Variants in CALU observed in about 807,000 individuals in gnomAD.
CALU encodes calumenin, also known as IEF SSP 9302.
Under a neutral mutation model 37.5 loss-of-function variants are expected in CALU, and 13 were observed. That is an observed-to-expected ratio of 0.35 (90% CI 0.23 to 0.55). The LOEUF is 0.55. Ranked by LOEUF, CALU falls within the 20% of genes least tolerant of loss-of-function variation. CALU has a pLI of 0.89. For missense variants in CALU, 282 were observed against 391.7 expected, an observed-to-expected ratio of 0.72 and a Z score of 2.36; for synonymous variants, 114 against 133.8, an observed-to-expected ratio of 0.85 and a Z score of 1.02.
intron 3 of CALU, among the ~76,000 whole-genome samples, chr7:128,756,355 T>A (rs1316167254): frequency 6.6e-6 from 1 of 152,194 alleles, no homozygotes; most frequent in Non-Finnish European, 1.5e-5. Flanking sequence ...GGCAGATGAT[T>A]CAACGTAATG....
chr7:128,767,113 C>T (rs996394882), intron 5 of CALU, among the ~76,000 whole-genome samples: 28 of 152,244 alleles, frequency 1.8e-4, no homozygotes, highest in African/African-American at 6.7e-4. Context: ...AACAAGTGGT[C>T]CCGTTTAATT....
chr7:128,758,869 A>G lies in CALU; in HGVS notation c.416-2A>G, dbSNP rs112887478. 6.2e-7 allele frequency: 1 copy of G among 1,603,796 alleles called. No individual in the cohort carries two copies. Among genetic ancestry groups the G allele is most frequent in the Non-Finnish European group, 8.5e-7 (1 of 1,175,102 alleles). ...GATTTGACCTAAATTTTTGTTTTCT[A>G]GATGATCCAGATCCTGATGATGGAT... On this transcript the variant is annotated splice_acceptor_variant, in intron 3 of 6. Transcript: ENST00000249364. LOFTEE classifies it high-confidence loss of function.
intron 1 of CALU, among the ~76,000 whole-genome samples, chr7:128,744,202 T>G (rs1755076282): frequency 6.6e-6 from 1 of 152,124 alleles, no homozygotes; most frequent in South Asian, 2.1e-4. Context: ...ACAGACTCAG[T>G]CTCAACAAAA....
Position 128,750,088 on chromosome 7 carries a change from C to T in CALU, c.221+1284C>T, listed in dbSNP as rs61640318. Among the ~76,000 whole-genome samples the T allele has an allele frequency of 3.3e-4, 50 of 151,840 alleles. No individual in the cohort carries two copies. In the East Asian group the frequency reaches 7.9e-3, roughly 24 times the overall value. On this transcript the variant is annotated intron_variant, in intron 2 of 6. Transcript: ENST00000249364. ...AAAAATACAAAAAAAATTAGCCGGGCGTGGTGGCGCGTGCCTGTAGTCCCA... is the reference window on the plus strand; with the variant it reads ...AAAAATACAAAAAAAATTAGCCGGGTGTGGTGGCGCGTGCCTGTAGTCCCA...
At chr7:128,746,762 CTTTTTTTTTTTTT>C (rs71162530) in intron 1 of CALU, among the ~76,000 whole-genome samples, 7 of 122,648 alleles carry the variant, frequency 5.7e-5, no homozygotes, top group Admixed American at 1.6e-4. Flanking sequence ...TCATGTCATT[CTTTTTTTTTTTTT>C]TTTTTTTTTT....
At position 128,772,715 on chromosome 7, in the gene CALU, A is replaced by C; in HGVS notation, c.*3548A>C. 6.2e-7 allele frequency: 1 copy of C among 1,611,210 alleles called. No individual in the cohort carries two copies. Among genetic ancestry groups the C allele is most frequent in the East Asian group, 2.2e-5 (1 of 44,868 alleles). On this transcript the variant is annotated 3_prime_UTR_variant, in exon 7 of 7. Coordinates refer to ENST00000249364, the MANE Select transcript of CALU (RefSeq NM_001219.5). ...TTGGCAGATGAGGAAGTATGGGAAAAAAGACCTTATTCTCTGTATCACCAA... is the reference window on the plus strand; with the variant it reads ...TTGGCAGATGAGGAAGTATGGGAAACAAGACCTTATTCTCTGTATCACCAA...
At chr7:128,768,978 T>G (rs886484376) in intron 6 of CALU, 85 bp from the exon 7 acceptor site, 2 of 751,242 alleles carry the variant, frequency 2.7e-6, no homozygotes, top group African/African-American at 3.5e-5. Context: ...AACTTCTGAT[T>G]AACCCCAATT....
At chr7:128,746,381 C>T (rs339049) in intron 1 of CALU, among the ~76,000 whole-genome samples, 2,836 of 152,164 alleles carry the variant, frequency 0.019, 90 homozygotes, top group African/African-American at 0.065. Flanking sequence ...TGGTCTCGAA[C>T]TCCTGACCTC....
intron 2 of CALU, among the ~76,000 whole-genome samples, chr7:128,752,150 T>TACAC (rs755223662): frequency 1.3e-5 from 2 of 151,008 alleles, no homozygotes; most frequent in Admixed American, 1.3e-4. Flanking sequence ...AAAAAAAAAA[T>TACAC]ACACACACAC....
Position 128,772,437 on chromosome 7 carries a change from C to CT in CALU, c.*3276dup, listed in dbSNP as rs1195261268. ...AAACTGCCATCACTCCTTTTACCAT[C>CT]TTTTTTGTGTTTTTAGTAGTTTGGT... On this transcript the variant is annotated 3_prime_UTR_variant, in exon 7 of 7. Coordinates refer to ENST00000249364, the MANE Select transcript of CALU (RefSeq NM_001219.5). The CT allele has an allele frequency of 2.6e-5, 38 of 1,439,724 alleles. No individual in the cohort carries two copies. The highest frequency in any genetic ancestry group is 9.0e-5 in the Admixed American group (5 of 55,270). The allele number at this position is 1,439,724 out of a possible 1,614,324, so 89.2% of individuals were successfully genotyped here.
chr7:128,759,003 A>G lies in CALU; in HGVS notation c.548A>G (p.Glu183Gly). Residue 183 changes from glutamate to glycine, a missense_variant, in exon 4 of 7, where the codon GAG (glutamate) becomes GGG (glycine). Glu to Gly is a moderately conservative substitution (Grantham distance 98). Transcript: ENST00000249364. ...GAGTTCACAGCTTTCCTGCACCCTG[A>G]GGAGTATGACTACATGAAAGATATA... The part of the protein sequence containing the change: ...KEEFTAFLHP[E>G]EYDYMKDIVV... The G allele has an allele frequency of 6.2e-7, 1 of 1,614,048 alleles. No individual in the cohort carries two copies. Among genetic ancestry groups the G allele is most frequent in the Non-Finnish European group, 8.5e-7 (1 of 1,179,934 alleles).
chr7:128,747,321 GT>G (rs1800485600), intron 1 of CALU, among the ~76,000 whole-genome samples: 1 of 152,128 alleles, frequency 6.6e-6, no homozygotes, highest in African/African-American at 2.4e-5. Context: ...TTCTCTATGG[GT>G]TTCATGGTCT....
chr7:128,765,838 CAG>C (rs1275230650), intron 5 of CALU, among the ~76,000 whole-genome samples: 2 of 152,204 alleles, frequency 1.3e-5, no homozygotes, highest in African/African-American at 4.8e-5. Context: ...GAAGTACTAA[CAG>C]ACCTTGTTTA....
At chr7:128,743,168 T>C (rs12530616) in intron 1 of CALU, among the ~76,000 whole-genome samples, 49,027 of 151,616 alleles carry the variant, frequency 0.32, 8,925 homozygotes, top group Non-Finnish European at 0.42. Flanking sequence ...TTTTTTTTTT[T>C]CCCAAGAAAA....
intron 2 of CALU, 122 bp from the exon 3 acceptor site, chr7:128,754,140 T>C (rs1041701922): frequency 7.1e-6 from 5 of 705,696 alleles, no homozygotes; most frequent in Non-Finnish European, 1.2e-5. Flanking sequence ...GTTGCTGGCC[T>C]GGCAGTTTTG....
intron 3 of CALU, among the ~76,000 whole-genome samples, chr7:128,758,077 C>T (rs1197379587): frequency 1.3e-5 from 2 of 152,032 alleles, no homozygotes; most frequent in African/African-American, 2.4e-5. Context: ...CCTCATGTCC[C>T]TTGGTAATCC....
intron 3 of CALU, chr7:128,754,667 A>T (rs1391723614): frequency 5.2e-6 from 8 of 1,552,360 alleles, no homozygotes; most frequent in African/African-American, 1.4e-5. Context: ...ATATGAATCA[A>T]GACGGCTTAA....
intron 3 of CALU, among the ~76,000 whole-genome samples, chr7:128,755,349 C>T (rs965489159): frequency 6.9e-6 from 1 of 144,364 alleles, no homozygotes; most frequent in Non-Finnish European, 1.5e-5. Context: ...TATGAGGCTA[C>T]ATACTTCCAA....
intron 1 of CALU, among the ~76,000 whole-genome samples, chr7:128,742,475 T>C (rs1241273417): frequency 6.6e-6 from 1 of 152,254 alleles, no homozygotes; most frequent in Non-Finnish European, 1.5e-5. Flanking sequence ...GTTGGATCAC[T>C]CAGTGTTAAC....
Sources: allele counts gnomAD v4.1 joint callset (sites outside exome capture counted in the v4.1 genomes callset), GRCh38; gene constraint gnomAD v4.1.1; transcripts MANE v1.5; gene names NCBI Gene and HGNC (gene_info 2026-07-23, HGNC 2026-07-21).